Variants in CCDC171 observed in about 807,000 individuals in gnomAD.
CCDC171 encodes the protein coiled-coil domain containing 171.
Under a neutral mutation model 168.2 loss-of-function variants are expected in CCDC171, and 177 were observed. The ratio of observed to expected loss-of-function variants is 1.05; its 90% CI spans 0.93 to 1.19. CCDC171 has a LOEUF of 1.19. Ranked by LOEUF, CCDC171 falls within the 50% of genes most tolerant of loss-of-function variation. The pLI is 0.00. For missense variants in CCDC171, 1,991 were observed against 1,539.0 expected (o/e 1.29, Z -4.91); for synonymous variants, 687 against 540.8 (o/e 1.27, Z -3.75).
chr9:15,573,973 C>T (rs1337173909), intron 3 of CCDC171, among the ~76,000 whole-genome samples: 1 of 152,118 alleles, frequency 6.6e-6, no homozygotes, highest in African/African-American at 2.4e-5. Flanking sequence ...GCAGAACACA[C>T]TGTTCTCTTT....
intron 20 of CCDC171, among the ~76,000 whole-genome samples, chr9:15,781,862 C>G (rs560042314): frequency 1.1e-4 from 16 of 152,294 alleles, no homozygotes; most frequent in African/African-American, 3.4e-4. Flanking sequence ...AATTATCTCA[C>G]ATACTATTAT....
intron 11 of CCDC171, among the ~76,000 whole-genome samples, chr9:15,716,993 C>T (rs944167318): frequency 2.0e-5 from 3 of 152,032 alleles, no homozygotes; most frequent in South Asian, 2.1e-4. Flanking sequence ...TTAACAGTTA[C>T]GTAGGCAAAA....
intron 6 of CCDC171, among the ~76,000 whole-genome samples, chr9:15,614,804 G>C (rs957733848): frequency 1.3e-5 from 2 of 152,118 alleles, no homozygotes; most frequent in African/African-American, 2.4e-5. Context: ...AGGCTTTTCA[G>C]CCATGATCTT....
intron 21 of CCDC171, among the ~76,000 whole-genome samples, chr9:15,822,211 A>G (rs1339677366): frequency 2.0e-5 from 3 of 152,218 alleles, no homozygotes; most frequent in Non-Finnish European, 4.4e-5. Flanking sequence ...TAAATGTCAG[A>G]CCTAAAACCA....
intron 10 of CCDC171, among the ~76,000 whole-genome samples, chr9:15,688,586 A>G (rs2050574004): frequency 6.6e-6 from 1 of 152,242 alleles, no homozygotes. Flanking sequence ...AGCTAATGTA[A>G]TAAATGATGG....
chr9:15,647,456 C>A (rs1280900506), intron 7 of CCDC171, among the ~76,000 whole-genome samples: 5 of 151,968 alleles, frequency 3.3e-5, no homozygotes, highest in Non-Finnish European at 5.9e-5. Context: ...ATGAATTTAG[C>A]AGCTGGTTTT....
At chr9:15,869,159 G>T (rs549025207) in intron 23 of CCDC171, among the ~76,000 whole-genome samples, 11 of 152,030 alleles carry the variant, frequency 7.2e-5, no homozygotes, top group Non-Finnish European at 1.6e-4. Flanking sequence ...CCACAAATAT[G>T]GGGGGCCAAC....
At chr9:15,610,638 A>C (rs527753041) in intron 6 of CCDC171, among the ~76,000 whole-genome samples, 17 of 151,044 alleles carry the variant, frequency 1.1e-4, no homozygotes, top group Admixed American at 5.9e-4. Context: ...AAAAAAAAAA[A>C]CAAAAACCTC....
intron 24 of CCDC171, among the ~76,000 whole-genome samples, chr9:15,911,047 T>C (rs1312029805): frequency 2.0e-5 from 3 of 152,216 alleles, no homozygotes; most frequent in East Asian, 1.9e-4. Context: ...TTATAATCCT[T>C]TGGGTATATA....
At chr9:15,928,169 C>A (rs1190421427) in intron 25 of CCDC171, among the ~76,000 whole-genome samples, 1 of 151,606 alleles carries the variant, frequency 6.6e-6, no homozygotes. Context: ...CATCATGGCA[C>A]TTCAGATATA....
chr9:15,694,293 C>T (rs1293091148), intron 10 of CCDC171, among the ~76,000 whole-genome samples: 1 of 152,158 alleles, frequency 6.6e-6, no homozygotes, highest in Non-Finnish European at 1.5e-5. Flanking sequence ...ATACCTGACC[C>T]TGCTTCTAAG....
intron 5 of CCDC171, among the ~76,000 whole-genome samples, chr9:15,591,799 A>T (rs1398254845): frequency 6.6e-6 from 1 of 152,176 alleles, no homozygotes; most frequent in Non-Finnish European, 1.5e-5. Flanking sequence ...CCAACAAAGC[A>T]CTTATATGGG....
At chr9:15,591,070 T>G (rs1486491956) in intron 4 of CCDC171, among the ~76,000 whole-genome samples, 1 of 151,968 alleles carries the variant, frequency 6.6e-6, no homozygotes, top group Non-Finnish European at 1.5e-5. Flanking sequence ...GTGCTAGAAG[T>G]GCACCTAAAC....
At position 15,874,546 on chromosome 9, in the gene CCDC171, C is replaced by A; in HGVS notation, c.3483C>A (p.Ile1161=). 1 of 1,602,668 alleles carries A rather than the reference C, an allele frequency of 6.2e-7. No homozygotes were observed. The highest frequency in any genetic ancestry group is 8.5e-7 in the Non-Finnish European group (1 of 1,174,840). Residue 1161 remains isoleucine, a synonymous_variant, in exon 24 of 26, where the codon ATC becomes ATA. Transcript: ENST00000380701. The part of the protein sequence containing the change: ...ENTLHKVRDQ[I]SLSWSAASRN... ...TTTCCCTTTAGGTCAGAGATCAGAT[C>A]TCGCTGTCATGGTCTGCGGCAAGTA...
Position 15,733,377 on chromosome 9 carries a change from A to AT in CCDC171, c.2049+3586dup, listed in dbSNP as rs370870857. Among the ~76,000 whole-genome samples the AT allele has an allele frequency of 2.2e-3, 331 of 150,722 alleles. 2 individuals carry two copies. The highest frequency in any genetic ancestry group is 7.6e-3 in the African/African-American group (312 of 41,014). ...CTCTTTGCCTAAGATTATAGGCACC[A>AT]TTTTTTTCCCTATATGTTTTATAGT... On this transcript the variant is annotated intron_variant, in intron 16 of 25. Coordinates refer to ENST00000380701, the MANE Select transcript of CCDC171 (RefSeq NM_173550.4).
At chr9:16,040,264 T>C (rs1041600933), upstream of CCDC171, among the ~76,000 whole-genome samples, 1 of 152,126 alleles carries the variant, frequency 6.6e-6, no homozygotes, top group African/African-American at 2.4e-5. Flanking sequence ...AGCCCCTCTT[T>C]CCTTATCTTG....
At chr9:16,103,641 T>C in the CCDC171 span, among the ~76,000 whole-genome samples, 1 of 152,312 alleles carries the variant, frequency 6.6e-6, no homozygotes, top group Non-Finnish European at 1.5e-5. Flanking sequence ...CTTCTGTGGC[T>C]GGGGGCTCCT....
chr9:16,084,738 T>C, the CCDC171 span, among the ~76,000 whole-genome samples: 265 of 152,238 alleles, frequency 1.7e-3, 1 homozygote, highest in Non-Finnish European at 2.4e-3. Flanking sequence ...TCACAGAAGA[T>C]TGGATCCAGG....
intron 21 of CCDC171, among the ~76,000 whole-genome samples, chr9:15,798,841 A>C (rs1323730649): frequency 6.6e-6 from 1 of 151,924 alleles, no homozygotes; most frequent in African/African-American, 2.4e-5. Context: ...CTATTGGCTT[A>C]TTAGGTATTT....
Sources: gnomAD v4.1 joint callset for allele counts (sites outside exome capture counted in the v4.1 genomes callset) on GRCh38, gnomAD v4.1.1 for gene constraint, MANE v1.5 for transcripts, NCBI Gene and HGNC (gene_info 2026-07-23, HGNC 2026-07-21) for gene names.